GFRA2: variants seen among roughly 807,000 people sequenced by gnomAD.
GFRA2 encodes GDNF family receptor alpha-2.
In GFRA2, 17 loss-of-function variants were observed where a neutral mutation model predicts 48.3. That is an observed-to-expected ratio of 0.35 (90% confidence interval 0.24 to 0.53). The LOEUF (loss-of-function observed/expected upper bound fraction) is 0.53. GFRA2 is among the 20% of genes least tolerant of loss of function. The pLI, the probability that GFRA2 is intolerant of heterozygous loss-of-function variation, is 0.93. For synonymous variants in GFRA2, 305 were observed against 257.2 expected, an observed-to-expected ratio of 1.19 and a Z score of -1.78; for missense variants, 660 against 637.3, an observed-to-expected ratio of 1.04 and a Z score of -0.38.
At chr8:21,696,384 T>G (rs560472923) in intron 7 of GFRA2, among the ~76,000 whole-genome samples, 1 of 152,142 alleles carries the variant, frequency 6.6e-6, no homozygotes, top group East Asian at 1.9e-4. Context: ...CTTAGCTTAT[T>G]TGTATATTGG....
intron 2 of GFRA2, among the ~76,000 whole-genome samples, chr8:21,804,677 C>A (rs1179383836): frequency 6.6e-6 from 1 of 152,154 alleles, no homozygotes; most frequent in Non-Finnish European, 1.5e-5. Context: ...GCTTTTCCTG[C>A]AGAGGTTTTT....
chr8:21,724,376 T>C (rs950868819), intron 4 of GFRA2, among the ~76,000 whole-genome samples: 4 of 152,098 alleles, frequency 2.6e-5, no homozygotes, highest in African/African-American at 7.2e-5. Context: ...ATTCCCAGTA[T>C]TGCCACGCTG....
At chr8:21,717,569 C>A (rs756249358) in intron 4 of GFRA2, among the ~76,000 whole-genome samples, 5 of 152,112 alleles carry the variant, frequency 3.3e-5, no homozygotes, top group Non-Finnish European at 4.4e-5. Context: ...TGAACTAGGC[C>A]TCAGGAATCC....
chr8:21,797,962 G>C (rs1267714789), intron 2 of GFRA2, among the ~76,000 whole-genome samples: 1 of 152,118 alleles, frequency 6.6e-6, no homozygotes, highest in Admixed American at 6.5e-5. Context: ...TTGCCACAAC[G>C]AGCAGCTACA....
At chr8:21,732,268 T>C (rs1018224877) in intron 4 of GFRA2, among the ~76,000 whole-genome samples, 1 of 152,248 alleles carries the variant, frequency 6.6e-6, no homozygotes, top group Admixed American at 6.5e-5. Flanking sequence ...TCTGGTTGTG[T>C]CTGTCACTAA....
chr8:21,790,369 A>C (rs1275703052), upstream of GFRA2, among the ~76,000 whole-genome samples: 8 of 152,340 alleles, frequency 5.3e-5, no homozygotes, highest in East Asian at 1.3e-3. Flanking sequence ...ACGTAACATG[A>C]ATTTGATAGT....
chr8:21,715,876 C>T (rs1248151678), intron 4 of GFRA2, among the ~76,000 whole-genome samples: 1 of 151,858 alleles, frequency 6.6e-6, no homozygotes, highest in Admixed American at 6.6e-5. Flanking sequence ...ACAAGAAAAG[C>T]AAGGGAGAGA....
At chr8:21,729,532 C>A (rs1251660715) in intron 4 of GFRA2, among the ~76,000 whole-genome samples, 1 of 152,156 alleles carries the variant, frequency 6.6e-6, no homozygotes, top group East Asian at 1.9e-4. Flanking sequence ...ACAGATTTCC[C>A]CTCTTCACAT....
At chr8:21,738,148 C>T (rs866993160) in intron 4 of GFRA2, among the ~76,000 whole-genome samples, 1 of 79,284 alleles carries the variant, frequency 1.3e-5, no homozygotes, top group Middle Eastern at 6.3e-3. Flanking sequence ...TCCCCCTCCT[C>T]ATCCCCCTCC....
At chr8:21,779,948 C>T (rs1806892220) in intron 2 of GFRA2, among the ~76,000 whole-genome samples, 1 of 152,210 alleles carries the variant, frequency 6.6e-6, no homozygotes, top group Admixed American at 6.5e-5. Context: ...CCAGCCCCTC[C>T]CCTTCCCAAA....
At chr8:21,722,325 T>G (rs1157150871) in intron 4 of GFRA2, among the ~76,000 whole-genome samples, 1 of 152,130 alleles carries the variant, frequency 6.6e-6, no homozygotes, top group Non-Finnish European at 1.5e-5. Context: ...GGTGAAGTCT[T>G]AACAGCAGCA....
intron 4 of GFRA2, among the ~76,000 whole-genome samples, chr8:21,741,818 A>T (rs1192879458): frequency 6.6e-6 from 1 of 151,866 alleles, no homozygotes; most frequent in Non-Finnish European, 1.5e-5. Context: ...GCTACTCAGG[A>T]GGCTGAGGCA....
At chr8:21,771,913 T>C (rs1806455655) in intron 3 of GFRA2, among the ~76,000 whole-genome samples, 1 of 152,106 alleles carries the variant, frequency 6.6e-6, no homozygotes, top group Non-Finnish European at 1.5e-5. Context: ...CATGCAGTCC[T>C]ATGGGGTGGC....
Position 21,727,431 on chromosome 8 carries a change from G to T in GFRA2, c.795-21390C>A, listed in dbSNP as rs1013844505. On this transcript the variant is annotated intron_variant, in intron 4 of 8. Coordinates refer to ENST00000524240, the MANE Select transcript of GFRA2 (RefSeq NM_001495.5). ...GCCTTGGGCCCTGTGTGACCCACTGGGGCACAGATCCCAGTGTGCTCCTCT... is the reference window on the plus strand; with the variant it reads ...GCCTTGGGCCCTGTGTGACCCACTGTGGCACAGATCCCAGTGTGCTCCTCT... Among the ~76,000 whole-genome samples the T allele has an allele frequency of 3.8e-4, 58 of 152,152 alleles. 1 individual carries two copies. Among genetic ancestry groups the T allele is most frequent in the Non-Finnish European group, 1.0e-4 (7 of 68,030 alleles).
chr8:21,705,453 G>A (rs894068973), intron 5 of GFRA2, among the ~76,000 whole-genome samples: 1 of 152,114 alleles, frequency 6.6e-6, no homozygotes, highest in African/African-American at 2.4e-5. Flanking sequence ...CTCAAATCAG[G>A]GTGAATGAGG....
chr8:21,808,148 T>C (rs962562619), intron 1 of GFRA2, among the ~76,000 whole-genome samples: 6 of 152,168 alleles, frequency 3.9e-5, no homozygotes, highest in South Asian at 2.1e-4. Flanking sequence ...TCCTCCGAAA[T>C]TGGTAGACAT....
intron 2 of GFRA2, among the ~76,000 whole-genome samples, chr8:21,795,641 C>T (rs1320207016): frequency 6.6e-6 from 1 of 152,222 alleles, no homozygotes; most frequent in East Asian, 1.9e-4. Flanking sequence ...GATCCACCCA[C>T]CTCGGCCTCC....
intron 4 of GFRA2, among the ~76,000 whole-genome samples, chr8:21,748,112 T>C (rs567349276): frequency 6.6e-6 from 1 of 152,310 alleles, no homozygotes; most frequent in South Asian, 2.1e-4. Flanking sequence ...CCATTTCATT[T>C]ACTGCTGTGG....
chr8:21,774,374 G>A (rs1806587264), intron 3 of GFRA2, among the ~76,000 whole-genome samples: 1 of 152,130 alleles, frequency 6.6e-6, no homozygotes, highest in African/African-American at 2.4e-5. Flanking sequence ...GGGGTGGCCT[G>A]AGGACCAGAG....
Sources: allele counts gnomAD v4.1 joint callset (sites outside exome capture counted in the v4.1 genomes callset), GRCh38; gene constraint gnomAD v4.1.1; transcripts MANE v1.5; gene names NCBI Gene and HGNC (gene_info 2026-07-23, HGNC 2026-07-21).